Variants in RGS7 observed in about 807,000 individuals in gnomAD.
RGS7 encodes regulator of G-protein signaling 7.
Under a neutral mutation model 81.1 loss-of-function variants are expected in RGS7, and 27 were observed. The observed-to-expected ratio is 0.33, with a 90% CI of 0.25 to 0.46. The LOEUF (loss-of-function observed/expected upper bound fraction) is 0.46. RGS7 is among the 20% of genes least tolerant of loss of function. The pLI, the probability that RGS7 is intolerant of heterozygous loss-of-function variation, is 1.00. For missense variants in RGS7, 396 were observed against 607.4 expected (o/e 0.65, Z 3.66); for synonymous variants, 208 against 207.7 (o/e 1.00, Z -0.01).
At chr1:240,923,732 C>T (rs1257637960) in intron 6 of RGS7, among the ~76,000 whole-genome samples, 1 of 150,124 alleles carries the variant, frequency 6.7e-6, no homozygotes, top group Non-Finnish European at 1.5e-5. Context: ...AAAACACACA[C>T]AATTTGTCTT....
intron 3 of RGS7, among the ~76,000 whole-genome samples, chr1:241,030,165 T>C (rs2059995606): frequency 1.3e-5 from 2 of 152,074 alleles, no homozygotes; most frequent in African/African-American, 2.4e-5. Flanking sequence ...TTGCACCCCT[T>C]GCTCTATCAA....
intron 18 of RGS7, among the ~76,000 whole-genome samples, chr1:240,781,841 C>G (rs367601283): frequency 5.3e-5 from 8 of 151,446 alleles, no homozygotes; most frequent in African/African-American, 1.9e-4. Context: ...ATAGTGAAAC[C>G]CTGTCTCTAC....
intron 3 of RGS7, among the ~76,000 whole-genome samples, chr1:241,065,025 T>C (rs1450635787): frequency 6.6e-6 from 1 of 152,104 alleles, no homozygotes; most frequent in Admixed American, 6.5e-5. Flanking sequence ...CATTGTATTT[T>C]AAATGTGGCC....
chr1:241,225,472 T>C (rs1420031895), intron 2 of RGS7, among the ~76,000 whole-genome samples: 5 of 152,186 alleles, frequency 3.3e-5, no homozygotes, highest in Admixed American at 2.0e-4. Context: ...CAAGATATAC[T>C]AGGGTAGAGA....
At chr1:240,950,841 A>C (rs1679430941) in intron 4 of RGS7, among the ~76,000 whole-genome samples, 2 of 152,206 alleles carry the variant, frequency 1.3e-5, no homozygotes, top group South Asian at 4.1e-4. Flanking sequence ...GCACGGTCCA[A>C]GTACTAAACC....
At chr1:240,824,115 T>C (rs930172956) in intron 10 of RGS7, among the ~76,000 whole-genome samples, 1 of 152,210 alleles carries the variant, frequency 6.6e-6, no homozygotes, top group Admixed American at 6.5e-5. Flanking sequence ...AAATCATGCA[T>C]ACAGCAAAGC....
intron 3 of RGS7, among the ~76,000 whole-genome samples, chr1:240,994,068 G>T (rs890576934): frequency 3.9e-5 from 6 of 152,042 alleles, no homozygotes; most frequent in Non-Finnish European, 5.9e-5. Flanking sequence ...ACACAGTTCT[G>T]TTTACCACAG....
intron 9 of RGS7, among the ~76,000 whole-genome samples, chr1:240,864,636 A>C (rs1662890449): frequency 6.6e-6 from 1 of 152,240 alleles, no homozygotes; most frequent in African/African-American, 2.4e-5. Flanking sequence ...GCAAGCATAC[A>C]GGAAATAAAA....
intron 2 of RGS7, among the ~76,000 whole-genome samples, chr1:241,337,768 A>G (rs192418810): frequency 2.9e-4 from 44 of 152,262 alleles, no homozygotes; most frequent in Admixed American, 1.0e-3. Context: ...CTTCATTTTC[A>G]TAACTCAGGC....
chr1:241,173,177 T>A (rs2070855723), intron 2 of RGS7, among the ~76,000 whole-genome samples: 1 of 152,186 alleles, frequency 6.6e-6, no homozygotes, highest in Non-Finnish European at 1.5e-5. Context: ...GTTTCCAAGG[T>A]GAAGGTCTAG....
intron 2 of RGS7, among the ~76,000 whole-genome samples, chr1:241,204,288 T>C (rs762493606): frequency 2.0e-5 from 3 of 152,136 alleles, no homozygotes; most frequent in Non-Finnish European, 4.4e-5. Flanking sequence ...GAATAAAAAG[T>C]TGTAGAAGAA....
At chr1:240,959,816 G>C (rs1392401202) in intron 4 of RGS7, among the ~76,000 whole-genome samples, 1 of 152,004 alleles carries the variant, frequency 6.6e-6, no homozygotes, top group Non-Finnish European at 1.5e-5. Context: ...CAACCTACCA[G>C]TCCATATTTT....
intron 2 of RGS7, among the ~76,000 whole-genome samples, chr1:241,099,790 C>T (rs999910138): frequency 6.6e-5 from 10 of 152,074 alleles, no homozygotes; most frequent in African/African-American, 2.2e-4. Context: ...GACTGGGCAC[C>T]GTGGATATGA....
At chr1:241,051,014 A>G (rs1572453274) in intron 3 of RGS7, among the ~76,000 whole-genome samples, 1 of 152,270 alleles carries the variant, frequency 6.6e-6, no homozygotes, top group East Asian at 1.9e-4. Flanking sequence ...CACATTGTTC[A>G]AAGGTCAACT....
chr1:240,981,257 G>A (rs564256459), intron 4 of RGS7, among the ~76,000 whole-genome samples: 2 of 152,148 alleles, frequency 1.3e-5, no homozygotes, highest in African/African-American at 4.8e-5. Flanking sequence ...CTACATGTGT[G>A]TGCCACCACA....
intron 2 of RGS7, among the ~76,000 whole-genome samples, chr1:241,232,041 T>G: frequency 6.6e-6 from 1 of 152,234 alleles, no homozygotes; most frequent in East Asian, 1.9e-4. Context: ...GCTTTTTGTA[T>G]GGATATATAA....
intron 3 of RGS7, among the ~76,000 whole-genome samples, chr1:241,055,185 A>C (rs934086024): frequency 1.3e-5 from 2 of 152,230 alleles, no homozygotes; most frequent in African/African-American, 4.8e-5. Context: ...AGCAGACATC[A>C]GTTGGATGTC....
intron 2 of RGS7, among the ~76,000 whole-genome samples, chr1:241,300,776 A>T (rs182293672): frequency 1.3e-5 from 2 of 152,358 alleles, no homozygotes; most frequent in East Asian, 3.9e-4. Context: ...GGTTATACCA[A>T]GGATTGTAAT....
chr1:241,227,301 C>A (rs1328558242), intron 2 of RGS7, among the ~76,000 whole-genome samples: 1 of 152,032 alleles, frequency 6.6e-6, no homozygotes, highest in East Asian at 1.9e-4. Context: ...TTGGAAGTGA[C>A]AAAGGCTGGG....
Sources: allele counts gnomAD v4.1 joint callset (sites outside exome capture counted in the v4.1 genomes callset), GRCh38; gene constraint gnomAD v4.1.1; transcripts MANE v1.5; gene names NCBI Gene and HGNC (gene_info 2026-07-23, HGNC 2026-07-21).